MAP2K4: variants seen among roughly 807,000 people sequenced by gnomAD.
MAP2K4 encodes dual specificity mitogen-activated protein kinase kinase 4.
In MAP2K4, 4 loss-of-function variants were observed where a neutral mutation model predicts 48.5. The ratio of observed to expected loss-of-function variants is 0.08; its 90% CI spans 0.04 to 0.19. The LOEUF is 0.19. MAP2K4 is among the 10% of genes least tolerant of loss of function. MAP2K4 has a pLI of 1.00. For missense variants in MAP2K4, 258 were observed against 493.3 expected (o/e 0.52, Z 4.52); for synonymous variants, 166 against 173.1 (o/e 0.96, Z 0.32).
intron 7 of MAP2K4, among the ~76,000 whole-genome samples, chr17:12,113,780 G>T (rs1197818447): frequency 1.3e-5 from 2 of 151,834 alleles, no homozygotes; most frequent in East Asian, 1.9e-4. Flanking sequence ...TTTTTTTTAG[G>T]GGTAGATGAA....
intron 2 of MAP2K4, among the ~76,000 whole-genome samples, chr17:12,063,382 A>G (rs537788936): frequency 7.9e-5 from 12 of 152,304 alleles, no homozygotes; most frequent in African/African-American, 2.2e-4. Context: ...GGTGCTTATA[A>G]TATTCAGTGG....
In MAP2K4 at chr17:12,027,709, T is replaced by A. The variant is rs184023371; in HGVS notation, c.115+6708T>A. Among the ~76,000 whole-genome samples the A allele has an allele frequency of 2.0e-5, 3 of 152,262 alleles. No homozygotes were observed. In the East Asian group the frequency reaches 5.8e-4, roughly 29 times the overall value. ...CTGGGATCTGGTTATGTGCCTGTCA[T>A]GGGGAAGCATCCATCTTTTTGGGGT... is the stretch of plus-strand genomic sequence containing the variant. On this transcript the variant is annotated intron_variant, in intron 1 of 10. Transcript: ENST00000353533.
chr17:12,095,769 ATTCTTAAATGCCATACAT>A (rs1971717333), intron 4 of MAP2K4, 75 bp downstream of exon 4: 2 of 1,484,612 alleles, frequency 1.3e-6, no homozygotes, highest in Admixed American at 3.7e-5. Flanking sequence ...ATTCGATTCT[ATTCTTAAATGCCATACAT>A]TAGTAATAAG....
chr17:12,021,346 T>G, intron 1 of MAP2K4: 1 of 160,192 alleles, frequency 6.2e-6, no homozygotes, highest in Non-Finnish European at 1.4e-5. Flanking sequence ...GGCCCCCGTT[T>G]CCGGGAACGC....
intron 3 of MAP2K4, among the ~76,000 whole-genome samples, chr17:12,082,434 A>G (rs1226190364): frequency 6.6e-6 from 1 of 152,218 alleles, no homozygotes; most frequent in African/African-American, 2.4e-5. Flanking sequence ...TCAGTTTACA[A>G]GAATTCAGAA....
At position 12,023,620 on chromosome 17, in the gene MAP2K4, G is replaced by T. The variant is rs28918082; in HGVS notation, c.115+2619G>T. On this transcript the variant is annotated intron_variant, in intron 1 of 10. Coordinates refer to ENST00000353533, the MANE Select transcript of MAP2K4 (RefSeq NM_003010.4). ...TAGACATTGGACATCCTCTTATGTG[G>T]TAAGCACTGTGGTGGGCACTGGATA... 4.6e-5 allele frequency among the ~76,000 whole-genome samples: 7 copies of T among 152,272 alleles called. No homozygotes were observed. The East Asian group carries it at 1.4e-3, about 29-fold the overall frequency.
chr17:12,086,875 T>C (rs942186095), intron 3 of MAP2K4, among the ~76,000 whole-genome samples: 2 of 151,732 alleles, frequency 1.3e-5, no homozygotes, highest in African/African-American at 4.9e-5. Context: ...TTGAGACAGT[T>C]TCACTGCGTC....
At chr17:12,113,735 A>G (rs969029393) in intron 7 of MAP2K4, among the ~76,000 whole-genome samples, 2 of 152,218 alleles carry the variant, frequency 1.3e-5, no homozygotes, top group Non-Finnish European at 2.9e-5. Flanking sequence ...TGTATTACAG[A>G]GTCTGAAGCT....
intron 4 of MAP2K4, among the ~76,000 whole-genome samples, chr17:12,106,731 G>A (rs1406494876): frequency 6.6e-6 from 1 of 151,954 alleles, no homozygotes; most frequent in African/African-American, 2.4e-5. Context: ...TTTCATTTTT[G>A]TAAGGTACTT....
intron 3 of MAP2K4, among the ~76,000 whole-genome samples, chr17:12,082,588 A>C (rs961285771): frequency 4.6e-5 from 7 of 152,034 alleles, no homozygotes; most frequent in African/African-American, 1.7e-4. Flanking sequence ...TCTGTGTAGA[A>C]GTCTGTTGTG....
At chr17:12,098,723 G>A (rs1470852138) in intron 4 of MAP2K4, among the ~76,000 whole-genome samples, 1 of 151,962 alleles carries the variant, frequency 6.6e-6, no homozygotes, top group African/African-American at 2.4e-5. Context: ...TACTATCACT[G>A]TGAGAGAGAC....
At chr17:12,068,256 C>T (rs1028905457) in intron 2 of MAP2K4, among the ~76,000 whole-genome samples, 4 of 152,114 alleles carry the variant, frequency 2.6e-5, no homozygotes, top group Admixed American at 6.6e-5. Flanking sequence ...AGCTGGATGA[C>T]ATCCAAAGTG....
At chr17:12,139,725 T>C in intron 9 of MAP2K4, 114 bp from the exon 10 acceptor site, 1 of 706,048 alleles carries the variant, frequency 1.4e-6, no homozygotes, top group South Asian at 2.3e-5. Context: ...GCGTTGTTAC[T>C]TTGGATCTGA....
chr17:12,022,339 C>T (rs1567619805), intron 1 of MAP2K4, among the ~76,000 whole-genome samples: 1 of 152,190 alleles, frequency 6.6e-6, no homozygotes, highest in East Asian at 1.9e-4. Context: ...CTGTGCAGGC[C>T]CTCAGATAAT....
chr17:12,083,325 G>A (rs1001064044), intron 3 of MAP2K4, among the ~76,000 whole-genome samples: 3 of 152,220 alleles, frequency 2.0e-5, no homozygotes, highest in Non-Finnish European at 4.4e-5. Flanking sequence ...AATGAAAATA[G>A]GAAATTGTTG....
intron 1 of MAP2K4, among the ~76,000 whole-genome samples, chr17:12,043,964 T>G (rs928696427): frequency 1.3e-5 from 2 of 152,070 alleles, no homozygotes; most frequent in Non-Finnish European, 2.9e-5. Context: ...CACTTGGTTG[T>G]TTTTTTCTGG....
chr17:12,129,086 G>A (rs1324560010), intron 8 of MAP2K4, 53 bp from the exon 9 acceptor site: 82 of 1,584,378 alleles, frequency 5.2e-5, no homozygotes, highest in Non-Finnish European at 6.8e-5. Context: ...TTCCAGTGGG[G>A]AGTAGTAAAT....
At chr17:12,059,181 T>C (rs1055110296) in intron 2 of MAP2K4, among the ~76,000 whole-genome samples, 2 of 152,186 alleles carry the variant, frequency 1.3e-5, no homozygotes, top group African/African-American at 2.4e-5. Flanking sequence ...CCCTTGGCTT[T>C]TAAAATGAAA....
chr17:12,087,693 T>C (rs1445364960), intron 3 of MAP2K4, among the ~76,000 whole-genome samples: 1 of 152,150 alleles, frequency 6.6e-6, no homozygotes, highest in African/African-American at 2.4e-5. Context: ...ACTTGAATGA[T>C]TTTTGCAATT....
Sources: gnomAD v4.1 joint callset for allele counts (sites outside exome capture counted in the v4.1 genomes callset) on GRCh38, gnomAD v4.1.1 for gene constraint, MANE v1.5 for transcripts, NCBI Gene and HGNC (gene_info 2026-07-23, HGNC 2026-07-21) for gene names.